ZC3H12B: variants seen among roughly 807,000 people sequenced by gnomAD.
ZC3H12B encodes probable ribonuclease ZC3H12B.
ZC3H12B carries 7 observed loss-of-function variants against 43.9 expected under a neutral mutation model. That is an observed-to-expected ratio of 0.16 (90% CI 0.09 to 0.30). The LOEUF is 0.30. ZC3H12B is among the 10% of genes least tolerant of loss of function. The probability of loss-of-function intolerance (pLI) is 1.00; values close to 1 mark genes in which losing one functional copy is unlikely to be tolerated. For missense variants in ZC3H12B, 475 were observed against 670.2 expected, an observed-to-expected ratio of 0.71 and a Z score of 3.22; for synonymous variants, 222 against 241.7, an observed-to-expected ratio of 0.92 and a Z score of 0.76.
the ZC3H12B span, among the ~76,000 whole-genome samples, chrX:65,154,800 A>G: frequency 1.8e-5 from 2 of 111,648 alleles, no homozygotes; most frequent in Non-Finnish European, 3.8e-5. Flanking sequence ...AGCTGTGTTT[A>G]CCACTGCACT....
At chrX:65,161,279 C>T in the ZC3H12B span, among the ~76,000 whole-genome samples, 31 of 111,067 alleles carry the variant, frequency 2.8e-4, no homozygotes, top group African/African-American at 8.2e-4. Flanking sequence ...CTATTAGGTC[C>T]GCTTGGTGCA....
chrX:65,493,955 G>C (rs1243869644), intron 1 of ZC3H12B, among the ~76,000 whole-genome samples: 1 of 111,168 alleles, frequency 9.0e-6, no homozygotes, highest in Non-Finnish European at 1.9e-5. Flanking sequence ...TTGCCACCTT[G>C]ATAAATGTTG....
At chrX:65,316,028 T>C in the ZC3H12B span, among the ~76,000 whole-genome samples, 1 of 111,522 alleles carries the variant, frequency 9.0e-6, no homozygotes, top group Non-Finnish European at 1.9e-5. Context: ...AATAATATAA[T>C]TGCAAGTAAT....
the ZC3H12B span, among the ~76,000 whole-genome samples, chrX:65,110,558 C>A: frequency 9.0e-6 from 1 of 111,037 alleles, no homozygotes; most frequent in East Asian, 2.8e-4. Flanking sequence ...TGAATTTGCA[C>A]CTCTGTCAAA....
intron 1 of ZC3H12B, among the ~76,000 whole-genome samples, chrX:65,490,104 G>C (rs2068183430): frequency 9.0e-6 from 1 of 111,602 alleles, no homozygotes; most frequent in African/African-American, 3.3e-5. Flanking sequence ...CCCTAGAGAT[G>C]TCCACATTTT....
chrX:65,199,079 G>A, the ZC3H12B span, among the ~76,000 whole-genome samples: 31 of 108,929 alleles, frequency 2.8e-4, no homozygotes, highest in Admixed American at 2.7e-3. Flanking sequence ...ATCTGCCCAC[G>A]TTGGCCCCCC....
chrX:65,276,510 A>G, the ZC3H12B span, among the ~76,000 whole-genome samples: 4 of 111,701 alleles, frequency 3.6e-5, no homozygotes, highest in African/African-American at 1.3e-4. Flanking sequence ...CTCATCAGAA[A>G]CTTTACAGGC....
chrX:65,379,986 G>T (rs1377301568), intron 2 of ZC3H12B, among the ~76,000 whole-genome samples: 1 of 112,355 alleles, frequency 8.9e-6, no homozygotes, highest in African/African-American at 3.2e-5. Context: ...TCTGATTGGT[G>T]TACCTGAAAG....
intron 3 of ZC3H12B, among the ~76,000 whole-genome samples, chrX:65,435,242 T>C: frequency 8.9e-6 from 1 of 112,215 alleles, no homozygotes; most frequent in East Asian, 2.8e-4. Context: ...GTGCTTGAGC[T>C]AGGAATTTAA....
chrX:65,249,933 T>G, the ZC3H12B span, among the ~76,000 whole-genome samples: 1 of 109,958 alleles, frequency 9.1e-6, no homozygotes, highest in Non-Finnish European at 1.9e-5. Context: ...GAAGAAACTT[T>G]GCTGAATTCT....
the ZC3H12B span, among the ~76,000 whole-genome samples, chrX:65,301,799 C>A: frequency 9.0e-6 from 1 of 111,142 alleles, no homozygotes; most frequent in African/African-American, 3.3e-5. Flanking sequence ...CAAATCACTG[C>A]TAAAGAACTT....
At chrX:65,418,308 A>C (rs1466272895) in intron 3 of ZC3H12B, among the ~76,000 whole-genome samples, 2 of 111,603 alleles carry the variant, frequency 1.8e-5, no homozygotes, top group Non-Finnish European at 3.8e-5. Context: ...GGAATTTGAG[A>C]TACACTGGCC....
the ZC3H12B span, among the ~76,000 whole-genome samples, chrX:65,223,777 C>T: frequency 3.6e-5 from 4 of 111,938 alleles, no homozygotes; most frequent in Non-Finnish European, 5.6e-5. Flanking sequence ...TGATACCATC[C>T]TATTCCTTCA....
the ZC3H12B span, among the ~76,000 whole-genome samples, chrX:65,223,966 A>T: frequency 8.9e-6 from 1 of 112,470 alleles, no homozygotes; most frequent in Non-Finnish European, 1.9e-5. Context: ...GACCGAGAGG[A>T]AAAGAAGTCA....
chrX:65,118,526 C>T, the ZC3H12B span, among the ~76,000 whole-genome samples: 2 of 111,411 alleles, frequency 1.8e-5, no homozygotes, highest in Non-Finnish European at 3.8e-5. Context: ...AATTTGACTT[C>T]CTCTTTTCCT....
At chrX:65,087,309 C>A in the ZC3H12B span, among the ~76,000 whole-genome samples, 1 of 111,470 alleles carries the variant, frequency 9.0e-6, no homozygotes. Context: ...TTTATTCCAC[C>A]TAATGGCTTT....
the ZC3H12B span, among the ~76,000 whole-genome samples, chrX:65,273,555 C>T: frequency 1.8e-5 from 2 of 111,542 alleles, no homozygotes; most frequent in Admixed American, 1.9e-4. Context: ...TGGATAAAAA[C>T]TTCCCAAGTC....
At chrX:65,387,401 C>T (rs1191744856) in intron 2 of ZC3H12B, among the ~76,000 whole-genome samples, 1 of 111,532 alleles carries the variant, frequency 9.0e-6, no homozygotes, top group Non-Finnish European at 1.9e-5. Flanking sequence ...ATTTAATGGC[C>T]TCTTTGTCTC....
the ZC3H12B span, among the ~76,000 whole-genome samples, chrX:65,330,100 C>A: frequency 1.8e-5 from 2 of 108,968 alleles, no homozygotes; most frequent in Admixed American, 2.0e-4. Context: ...TCATTAGTAA[C>A]TTGATGGGGA....
Sources: allele counts gnomAD v4.1 joint callset (sites outside exome capture counted in the v4.1 genomes callset), GRCh38; gene constraint gnomAD v4.1.1; transcripts MANE v1.5; gene names NCBI Gene and HGNC (gene_info 2026-07-23, HGNC 2026-07-21).